Variants in FRMD5 observed in about 807,000 individuals in gnomAD.
FRMD5 encodes FERM domain-containing protein 5.
Under a neutral mutation model 69.0 loss-of-function variants are expected in FRMD5, and 20 were observed. That is an observed-to-expected ratio of 0.29 (90% CI 0.20 to 0.42). FRMD5 has a LOEUF of 0.42. Among genes scored for constraint, FRMD5 ranks in the 10% least tolerant of loss-of-function variants. The probability of loss-of-function intolerance (pLI) is 1.00; values close to 1 mark genes in which losing one functional copy is unlikely to be tolerated. For missense variants in FRMD5, 595 were observed against 708.6 expected, an observed-to-expected ratio of 0.84 and a Z score of 1.82; for synonymous variants, 271 against 260.1, an observed-to-expected ratio of 1.04 and a Z score of -0.40.
intron 1 of FRMD5, among the ~76,000 whole-genome samples, chr15:44,014,360 G>C (rs1269571042): frequency 6.6e-6 from 1 of 152,156 alleles, no homozygotes; most frequent in African/African-American, 2.4e-5. Context: ...CTGGGTTCAA[G>C]TCTCAGCCCC....
intron 4 of FRMD5, among the ~76,000 whole-genome samples, chr15:43,913,954 G>GA (rs1331771919): frequency 6.6e-6 from 1 of 152,228 alleles, no homozygotes; most frequent in African/African-American, 2.4e-5. Context: ...TGCTTCTGAG[G>GA]AAACTGGTTT....
At chr15:44,063,974 A>G (rs527650773) in intron 1 of FRMD5, 395 of 237,268 alleles carry the variant, frequency 1.7e-3, no homozygotes, top group Non-Finnish European at 1.8e-3. Context: ...TGTACCACCA[A>G]TTGCTCAGTT....
At chr15:44,009,712 G>A (rs1311027263) in intron 1 of FRMD5, among the ~76,000 whole-genome samples, 4 of 152,104 alleles carry the variant, frequency 2.6e-5, no homozygotes, top group Non-Finnish European at 5.9e-5. Context: ...GTTTTTTTGA[G>A]GCATAGGTTT....
chr15:44,034,446 G>A (rs1028285358), intron 1 of FRMD5, among the ~76,000 whole-genome samples: 8 of 152,178 alleles, frequency 5.3e-5, no homozygotes, highest in Admixed American at 2.6e-4. Flanking sequence ...TGGGTTCACG[G>A]ACTTCTAAAT....
chr15:44,131,765 A>ATGGTGGTTG lies in FRMD5; in HGVS notation c.102+63187_102+63188insCAACCACCA, dbSNP rs1377547369. On this transcript the variant is annotated intron_variant, in intron 1 of 13. Transcript: ENST00000417257. Reference sequence around the variant, plus strand: ...TAAAATCATAGAGACAGACAGTAGAACGGTGGTTGCCAGAGTGTGGTGGGA... The same window carrying ATGGTGGTTG: ...TAAAATCATAGAGACAGACAGTAGAATGGTGGTTGCGGTGGTTGCCAGAGTGTGGTGGGA... Among the ~76,000 whole-genome samples the ATGGTGGTTG allele has an allele frequency of 3.9e-5, 6 of 152,386 alleles. No homozygotes were observed. The East Asian group carries it at 5.8e-4, about 15-fold the overall frequency.
At chr15:43,927,313 C>T (rs1000444741) in intron 1 of FRMD5, among the ~76,000 whole-genome samples, 5 of 152,212 alleles carry the variant, frequency 3.3e-5, no homozygotes, top group Non-Finnish European at 7.3e-5. Flanking sequence ...CTGCTAGCCT[C>T]ATACTCCCTC....
At chr15:44,122,561 C>T (rs1298880089) in intron 1 of FRMD5, among the ~76,000 whole-genome samples, 1 of 149,500 alleles carries the variant, frequency 6.7e-6, no homozygotes, top group Non-Finnish European at 1.5e-5. Flanking sequence ...AGAGTGAGAC[C>T]CTGCCTCAAA....
intron 1 of FRMD5, among the ~76,000 whole-genome samples, chr15:44,082,849 C>T (rs1894051402): frequency 6.6e-6 from 1 of 152,000 alleles, no homozygotes; most frequent in African/African-American, 2.4e-5. Context: ...TTGGAACAAG[C>T]ATAATTCCTA....
chr15:44,190,290 A>G (rs2078172317), intron 1 of FRMD5, among the ~76,000 whole-genome samples: 1 of 152,154 alleles, frequency 6.6e-6, no homozygotes. Flanking sequence ...TTCCTCTTGG[A>G]GCAAGAGGTG....
At chr15:43,944,981 G>A (rs1273057506) in intron 1 of FRMD5, among the ~76,000 whole-genome samples, 1 of 149,546 alleles carries the variant, frequency 6.7e-6, no homozygotes, top group Non-Finnish European at 1.5e-5. Context: ...ATAGAGGGGG[G>A]GTTTCACCAT....
At chr15:44,151,541 T>C (rs1374625415) in intron 1 of FRMD5, among the ~76,000 whole-genome samples, 2 of 151,154 alleles carry the variant, frequency 1.3e-5, no homozygotes, top group African/African-American at 4.9e-5. Flanking sequence ...ATAAAATACA[T>C]AGGAATTAAC....
At chr15:44,170,080 C>T (rs2077774027) in intron 1 of FRMD5, among the ~76,000 whole-genome samples, 1 of 151,888 alleles carries the variant, frequency 6.6e-6, no homozygotes, top group Admixed American at 6.6e-5. Context: ...CTACTTTTGC[C>T]ACGTGGTTGC....
At chr15:44,159,303 A>G (rs1017480025) in intron 1 of FRMD5, among the ~76,000 whole-genome samples, 5 of 152,090 alleles carry the variant, frequency 3.3e-5, no homozygotes, top group Admixed American at 2.6e-4. Flanking sequence ...TGTGGAGGAG[A>G]CTGAGTGGCA....
chr15:43,885,238 T>G (rs2140358242), intron 11 of FRMD5: 2 of 219,978 alleles, frequency 9.1e-6, no homozygotes, highest in South Asian at 8.1e-5. Flanking sequence ...AGTGGTGCAA[T>G]CATGGCTCAC....
chr15:44,147,390 T>C (rs548732969), intron 1 of FRMD5, among the ~76,000 whole-genome samples: 1 of 152,290 alleles, frequency 6.6e-6, no homozygotes, highest in East Asian at 1.9e-4. Flanking sequence ...TGCAGTATAG[T>C]TTCAAGTCGG....
chr15:44,051,301 A>C (rs1166548074), intron 1 of FRMD5, among the ~76,000 whole-genome samples: 1 of 149,084 alleles, frequency 6.7e-6, no homozygotes, highest in East Asian at 2.0e-4. Context: ...ATAGGCACCC[A>C]TGACCACACT....
intron 1 of FRMD5, among the ~76,000 whole-genome samples, chr15:43,968,610 G>C (rs920793327): frequency 6.6e-6 from 1 of 152,098 alleles, no homozygotes; most frequent in African/African-American, 2.4e-5. Flanking sequence ...CTTTCCTAAA[G>C]GTGGTTTAAA....
At chr15:44,190,871 G>A (rs1028790853) in intron 1 of FRMD5, among the ~76,000 whole-genome samples, 10 of 152,144 alleles carry the variant, frequency 6.6e-5, no homozygotes, top group African/African-American at 2.4e-4. Context: ...AATTCTTAGG[G>A]TTTATGATTT....
chr15:44,123,330 G>GTGAA (rs2076981712), intron 1 of FRMD5, among the ~76,000 whole-genome samples: 1 of 117,942 alleles, frequency 8.5e-6, no homozygotes, highest in Non-Finnish European at 1.9e-5. Flanking sequence ...GGTGACAAGA[G>GTGAA]TGAAACTCCA....
Sources: gnomAD v4.1 joint callset for allele counts (sites outside exome capture counted in the v4.1 genomes callset) on GRCh38, gnomAD v4.1.1 for gene constraint, MANE v1.5 for transcripts, NCBI Gene and HGNC (gene_info 2026-07-23, HGNC 2026-07-21) for gene names.